The following AHI1 variants were observed in gnomAD, a reference collection of about 807,000 sequenced individuals.
The protein encoded by AHI1 is jouberin.
Under a neutral mutation model 149.3 loss-of-function variants are expected in AHI1, and 123 were observed. That is an observed-to-expected ratio of 0.82 (90% CI 0.71 to 0.96). AHI1 has a LOEUF of 0.96. AHI1 is among the 40% of genes least tolerant of loss of function. The pLI is 0.00. For missense variants in AHI1, 1,439 were observed against 1,422.7 expected (o/e 1.01, Z -0.18); for synonymous variants, 475 against 459.8 (o/e 1.03, Z -0.42).
At chr6:135,316,450 C>A (rs1046227445) in intron 26 of AHI1, among the ~76,000 whole-genome samples, 1 of 152,048 alleles carries the variant, frequency 6.6e-6, no homozygotes, top group African/African-American at 2.4e-5. Flanking sequence ...CTATTGATAC[C>A]GGTACAAAGC....
chr6:135,428,510 A>C, intron 19 of AHI1, 119 bp downstream of exon 19: 1 of 1,232,842 alleles, frequency 8.1e-7, no homozygotes, highest in Non-Finnish European at 1.1e-6. Context: ...TAAAAAACAT[A>C]ATTGAAAACC....
intron 23 of AHI1, among the ~76,000 whole-genome samples, chr6:135,364,888 G>C (rs897546634): frequency 1.3e-5 from 2 of 151,922 alleles, no homozygotes; most frequent in Middle Eastern, 3.4e-3. Context: ...CGTGGAAAGA[G>C]AGGGAGAGGG....
At chr6:135,347,951 A>T (rs934971965) in intron 24 of AHI1, among the ~76,000 whole-genome samples, 1 of 152,248 alleles carries the variant, frequency 6.6e-6, no homozygotes, top group African/African-American at 2.4e-5. Flanking sequence ...ACTACAGAAT[A>T]AGAAGGGTTT....
chr6:135,387,805 C>A, intron 23 of AHI1: 1 of 1,354,284 alleles, frequency 7.4e-7, no homozygotes, highest in East Asian at 2.6e-5. Flanking sequence ...TGTTTATTCT[C>A]CCAATATTTT....
chr6:135,388,884 C>G (rs992039434), intron 23 of AHI1, among the ~76,000 whole-genome samples: 3 of 151,806 alleles, frequency 2.0e-5, no homozygotes, highest in Admixed American at 6.6e-5. Context: ...TGGTGGCAGG[C>G]GCCTGCAATC....
At chr6:135,485,151 G>A (rs1346038520) in intron 5 of AHI1, among the ~76,000 whole-genome samples, 2 of 150,622 alleles carry the variant, frequency 1.3e-5, no homozygotes, top group African/African-American at 4.9e-5. Context: ...TAGGCTCACT[G>A]AAACCTCCAC....
At chr6:135,421,436 C>T (rs1783142204) in intron 20 of AHI1, among the ~76,000 whole-genome samples, 1 of 152,102 alleles carries the variant, frequency 6.6e-6, no homozygotes, top group Non-Finnish European at 1.5e-5. Context: ...TTTATAGTTT[C>T]ATTTTATCCT....
At chr6:135,408,989 G>C (rs1781199147) in intron 21 of AHI1, among the ~76,000 whole-genome samples, 1 of 151,936 alleles carries the variant, frequency 6.6e-6, no homozygotes, top group Non-Finnish European at 1.5e-5. Context: ...CAATTTTATG[G>C]GAAATACCTG....
chr6:135,324,523 T>C (rs977618334), intron 24 of AHI1, among the ~76,000 whole-genome samples: 74 of 145,634 alleles, frequency 5.1e-4, no homozygotes, highest in African/African-American at 1.8e-3. Flanking sequence ...ACATATGTAA[T>C]GGAAAATTAC....
chr6:135,429,247 A>G (rs1439319210), intron 18 of AHI1, among the ~76,000 whole-genome samples: 1 of 151,746 alleles, frequency 6.6e-6, no homozygotes, highest in Non-Finnish European at 1.5e-5. Flanking sequence ...TAAATATGGT[A>G]CATAGCCTTC....
intron 20 of AHI1, among the ~76,000 whole-genome samples, chr6:135,424,001 G>T (rs1417331001): frequency 6.6e-6 from 1 of 151,974 alleles, no homozygotes; most frequent in Non-Finnish European, 1.5e-5. Flanking sequence ...GTAGGAAAAA[G>T]ATGAACAAGC....
At chr6:135,299,607 A>G (rs766159046) in intron 27 of AHI1, among the ~76,000 whole-genome samples, 6 of 152,242 alleles carry the variant, frequency 3.9e-5, no homozygotes, top group Non-Finnish European at 7.3e-5. Flanking sequence ...ACTGAAAATG[A>G]TAAAAATTGA....
chr6:135,442,778 A>T, intron 13 of AHI1, 64 bp from the exon 14 acceptor site: 2 of 1,440,542 alleles, frequency 1.4e-6, no homozygotes, highest in Non-Finnish European at 1.9e-6. Flanking sequence ...CTAGTTTTTA[A>T]TTTCAATTAC....
At chr6:135,481,013 C>T (rs1793547933) in intron 5 of AHI1, among the ~76,000 whole-genome samples, 1 of 152,170 alleles carries the variant, frequency 6.6e-6, no homozygotes, top group Non-Finnish European at 1.5e-5. Context: ...TTGTCTTCCA[C>T]AAAACTGGCC....
At chr6:135,389,515 T>C (rs1292988624) in intron 23 of AHI1, among the ~76,000 whole-genome samples, 3 of 152,108 alleles carry the variant, frequency 2.0e-5, no homozygotes, top group Non-Finnish European at 4.4e-5. Context: ...TAACATAGTT[T>C]TACAAGGTCT....
intron 23 of AHI1, among the ~76,000 whole-genome samples, chr6:135,388,956 G>C (rs1264323655): frequency 6.6e-6 from 1 of 151,778 alleles, no homozygotes; most frequent in Non-Finnish European, 1.5e-5. Context: ...AGGTTACAGC[G>C]AGCTGAGACC....
At chr6:135,491,734 A>C (rs573783139) in intron 4 of AHI1, among the ~76,000 whole-genome samples, 1 of 152,350 alleles carries the variant, frequency 6.6e-6, no homozygotes, top group African/African-American at 2.4e-5. Flanking sequence ...AAGTGTCGGC[A>C]AACTATGGCC....
At position 135,363,727 on chromosome 6, in the gene AHI1, G is replaced by A. The variant is rs1462940094; in HGVS notation, c.3110-5540C>T. Among the ~76,000 whole-genome samples the A allele has an allele frequency of 6.3e-4, 89 of 142,092 alleles. 1 individual carries two copies. Among genetic ancestry groups the A allele is most frequent in the Admixed American group, 2.6e-3 (37 of 14,178 alleles). The allele number at this position is 142,092 out of a possible 152,430, so 93.2% of individuals were successfully genotyped here. On this transcript the variant is annotated intron_variant, in intron 23 of 28. Coordinates refer to ENST00000265602, the MANE Select transcript of AHI1 (RefSeq NM_001134831.2). ...ACGGGGCGGCTGGCCGGGCAGAGGC[G>A]CCCCTCACTTCCCGGACGGGGCAGC...
At chr6:135,444,757 G>A (rs938518224) in intron 13 of AHI1, among the ~76,000 whole-genome samples, 4 of 152,182 alleles carry the variant, frequency 2.6e-5, no homozygotes, top group Admixed American at 6.5e-5. Flanking sequence ...CTAGATTTTC[G>A]TAAGTGCCTC....
Sources: allele counts gnomAD v4.1 joint callset (sites outside exome capture counted in the v4.1 genomes callset), GRCh38; gene constraint gnomAD v4.1.1; transcripts MANE v1.5; gene names NCBI Gene and HGNC (gene_info 2026-07-23, HGNC 2026-07-21).